The following ZBED6 variants were observed in gnomAD, a reference collection of about 807,000 sequenced individuals.
ZBED6 encodes zinc finger BED-type containing 6, also known as zinc finger BED domain-containing protein 6.
ZBED6 carries 40 observed loss-of-function variants against 58.4 expected under a neutral mutation model. The ratio of observed to expected loss-of-function variants is 0.68; its 90% confidence interval spans 0.53 to 0.89. ZBED6 has a LOEUF of 0.89. ZBED6 is among the 40% of genes least tolerant of loss of function. The pLI, the probability that ZBED6 is intolerant of heterozygous loss-of-function variation, is 0.00. For synonymous variants in ZBED6, 439 were observed against 350.6 expected, an observed-to-expected ratio of 1.25 and a Z score of -2.82; for missense variants, 1,057 against 1,003.9, an observed-to-expected ratio of 1.05 and a Z score of -0.71.
intron 1 of ZBED6, chr1:203,805,559 GA>G (rs1672042163): frequency 1.7e-6 from 1 of 592,374 alleles, no homozygotes; most frequent in Admixed American, 1.9e-5. Flanking sequence ...GGTAAATTTG[GA>G]AAGATCAGTA....
chr1:203,848,795 A>G (rs995585417), intron 13 of ZBED6, among the ~76,000 whole-genome samples: 1 of 152,180 alleles, frequency 6.6e-6, no homozygotes, highest in East Asian at 1.9e-4. Context: ...TTCTAATGCT[A>G]TGCATCATAC....
chr1:203,799,494 C>T (rs1323895920), exon 1 of ZBED6: 1 of 703,012 alleles, frequency 1.4e-6, no homozygotes, highest in South Asian at 1.5e-5. Context: ...GTTAAAATGG[C>T]TCTTGGAGCA....
intron 1 of ZBED6, among the ~76,000 whole-genome samples, chr1:203,815,408 G>A (rs1676046292): frequency 7.4e-6 from 1 of 135,342 alleles, no homozygotes; most frequent in Non-Finnish European, 1.6e-5. Context: ...TTTAAGAGAT[G>A]GGGTTTTGCC....
intron 1 of ZBED6, among the ~76,000 whole-genome samples, chr1:203,810,521 A>G (rs1227037517): frequency 6.7e-6 from 1 of 150,046 alleles, no homozygotes; most frequent in Non-Finnish European, 1.5e-5. Flanking sequence ...TGGGGTTCAC[A>G]CCATTCTCCT....
intron 1 of ZBED6, among the ~76,000 whole-genome samples, chr1:203,811,310 C>T (rs963279442): frequency 1.8e-4 from 28 of 152,198 alleles, no homozygotes; most frequent in African/African-American, 5.3e-4. Context: ...CTCGAAACTC[C>T]GTCTCCAGAT....
At chr1:203,812,465 T>C (rs1040482664) in intron 1 of ZBED6, among the ~76,000 whole-genome samples, 1 of 152,200 alleles carries the variant, frequency 6.6e-6, no homozygotes, top group African/African-American at 2.4e-5. Flanking sequence ...TTGTTCCTTT[T>C]TATTGGATGC....
intron 9 of ZBED6, among the ~76,000 whole-genome samples, chr1:203,836,998 G>A (rs546726971): frequency 2.8e-4 from 43 of 152,204 alleles, no homozygotes; most frequent in Middle Eastern, 3.4e-3. Flanking sequence ...TAATTCAGCA[G>A]CTGACCAGTT....
exon 16 of ZBED6, chr1:203,851,101 T>G (rs373990877): frequency 1.4e-5 from 23 of 1,614,066 alleles, no homozygotes; most frequent in Non-Finnish European, 1.9e-5. Flanking sequence ...TCACTGTGCC[T>G]GAAGCAGAAA....
intron 14 of ZBED6, 115 bp downstream of exon 14, chr1:203,850,141 C>T (rs1688919456): frequency 2.3e-6 from 2 of 857,104 alleles, no homozygotes; most frequent in Non-Finnish European, 1.8e-6. Context: ...GCCTTCTATC[C>T]ACAGGTAGAT....
chr1:203,809,361 G>C (rs1420939511), intron 1 of ZBED6, among the ~76,000 whole-genome samples: 1 of 151,484 alleles, frequency 6.6e-6, no homozygotes, highest in Non-Finnish European at 1.5e-5. Flanking sequence ...ATTTTTAGTA[G>C]AGGCGGTGTT....
At chr1:203,806,026 C>T (rs1039443872) in intron 1 of ZBED6, 6 of 542,810 alleles carry the variant, frequency 1.1e-5, no homozygotes, top group African/African-American at 3.8e-5. Context: ...CTCTTGGGTG[C>T]GATTGTCCTG....
chr1:203,823,615 T>G (rs1679497000), intron 3 of ZBED6, among the ~76,000 whole-genome samples: 1 of 152,228 alleles, frequency 6.6e-6, no homozygotes, highest in Non-Finnish European at 1.5e-5. Context: ...AGAGCAAGCC[T>G]TGCAAGCAGG....
intron 1 of ZBED6, among the ~76,000 whole-genome samples, chr1:203,816,552 G>GCCC (rs1166609308): frequency 6.6e-6 from 1 of 152,074 alleles, no homozygotes; most frequent in Non-Finnish European, 1.5e-5. Context: ...AATCCCTTGA[G>GCCC]CCCAGGAGTT....
At chr1:203,837,394 C>A (rs529062219) in intron 9 of ZBED6, among the ~76,000 whole-genome samples, 1 of 150,218 alleles carries the variant, frequency 6.7e-6, no homozygotes, top group Non-Finnish European at 1.5e-5. Context: ...GTAGGTTTGT[C>A]AGTTAATTTA....
At chr1:203,833,185 C>T (rs548700493) in intron 8 of ZBED6, among the ~76,000 whole-genome samples, 17 of 152,160 alleles carry the variant, frequency 1.1e-4, no homozygotes, top group African/African-American at 1.9e-4. Flanking sequence ...CCGACCAACG[C>T]GGTGAAACCT....
exon 1 of ZBED6, chr1:203,795,884 C>T (rs987218586): frequency 5.9e-5 from 9 of 152,004 alleles, no homozygotes; most frequent in African/African-American, 2.2e-4. Flanking sequence ...CCTCCCCTCG[C>T]CCCTGGGTCG....
intron 12 of ZBED6, 92 bp from the exon 13 acceptor site, chr1:203,848,239 C>T: frequency 9.6e-7 from 1 of 1,040,004 alleles, no homozygotes; most frequent in Admixed American, 2.1e-5. Flanking sequence ...TCCTGTCTTA[C>T]TACTTTCATT....
At chr1:203,801,162 G>A (rs1333432510) in exon 1 of ZBED6, 2 of 152,198 alleles carry the variant, frequency 1.3e-5, no homozygotes, top group East Asian at 3.9e-4. Context: ...TAATTTATGG[G>A]TAAAAACAGA....
chr1:203,833,831 G>A, exon 9 of ZBED6: 2 of 1,610,130 alleles, frequency 1.2e-6, no homozygotes, highest in African/African-American at 1.3e-5. Context: ...CTGAGAGACT[G>A]GGGAAACGAA....
Sources: gnomAD v4.1 joint callset for allele counts (sites outside exome capture counted in the v4.1 genomes callset) on GRCh38, gnomAD v4.1.1 for gene constraint, MANE v1.5 for transcripts, NCBI Gene and HGNC (gene_info 2026-07-23, HGNC 2026-07-21) for gene names.